DBX2: variants seen among roughly 807,000 people sequenced by gnomAD.
DBX2 encodes the protein developing brain homeobox 2.
A neutral mutation model predicts 17.7 loss-of-function variants in DBX2; 16 were observed. The ratio of observed to expected loss-of-function variants is 0.90; its 90% CI spans 0.61 to 1.37. The LOEUF is 1.37. Among genes scored for constraint, DBX2 ranks in the 40% most tolerant of loss-of-function variants. DBX2 has a pLI of 0.00. For synonymous variants in DBX2, 255 were observed against 183.8 expected, an observed-to-expected ratio of 1.39 and a Z score of -3.13; for missense variants, 538 against 433.8, an observed-to-expected ratio of 1.24 and a Z score of -2.13.
intron 1 of DBX2, among the ~76,000 whole-genome samples, chr12:45,047,751 T>G (rs1171432526): frequency 6.6e-6 from 1 of 152,298 alleles, no homozygotes; most frequent in East Asian, 1.9e-4. Context: ...TTCTAGTCAA[T>G]GGAAGACTAA....
chr12:45,037,049 CATTAGT>C (rs1178699982), intron 1 of DBX2, among the ~76,000 whole-genome samples: 4 of 152,140 alleles, frequency 2.6e-5, no homozygotes, highest in Non-Finnish European at 5.9e-5. Flanking sequence ...TTTGAAGTCT[CATTAGT>C]ATAAGTTGTT....
In DBX2 at chr12:45,016,330, C is replaced by T; in HGVS notation, c.976G>A (p.Glu326Lys). The T allele has an allele frequency of 6.2e-7, 1 of 1,603,192 alleles. No individual in the cohort carries two copies. The highest frequency in any genetic ancestry group is 8.5e-7 in the Non-Finnish European group (1 of 1,175,828). ...ACACCCTTGCTTCCAGCTTCTTCTT[C>T]AGAACATAAATATAAGGCACCTTGC... is the stretch of plus-strand genomic sequence containing the variant. The part of the protein sequence containing the change: ...SLQGALYLCS[E>K]EEAGSKGVLT... Residue 326 changes from glutamate (E) to lysine (K), a missense_variant, in exon 4 of 4, where the codon GAA becomes AAA. Glu to Lys is a moderately conservative substitution (Grantham distance 56). Transcript: ENST00000332700.
rs187081974 is a variant in DBX2, at chr12:45,029,501, G to A, written c.500-5607C>T. Among the ~76,000 whole-genome samples the A allele has an allele frequency of 3.8e-4, 58 of 152,322 alleles. No homozygotes were observed. In the East Asian group the frequency reaches 9.3e-3, roughly 24 times the overall value. ...AATGCCTTTGTCAAATTACATCAAA[G>A]ATTGTCAAAGGTACGAGTGGGCAGG... On this transcript the variant is annotated intron_variant, in intron 2 of 3. Coordinates refer to ENST00000332700, the MANE Select transcript of DBX2 (RefSeq NM_001004329.3).
intron 1 of DBX2, among the ~76,000 whole-genome samples, chr12:45,041,496 ATTTG>A (rs907730332): frequency 2.3e-4 from 35 of 152,202 alleles, no homozygotes; most frequent in African/African-American, 8.4e-4. Context: ...CCTGAAAGTA[ATTTG>A]TTTATGTGAT....
At chr12:45,024,173 G>C (rs1379566993) in intron 2 of DBX2, among the ~76,000 whole-genome samples, 1 of 152,100 alleles carries the variant, frequency 6.6e-6, no homozygotes, top group Non-Finnish European at 1.5e-5. Flanking sequence ...GGTCTCACGA[G>C]ATCTGATGGT....
intron 2 of DBX2, among the ~76,000 whole-genome samples, chr12:45,028,184 G>A (rs1055726239): frequency 5.9e-5 from 9 of 152,232 alleles, no homozygotes; most frequent in African/African-American, 9.6e-5. Flanking sequence ...TGGATTGCAG[G>A]GTATGACTGG....
At chr12:45,026,572 A>G (rs1379811086) in intron 2 of DBX2, among the ~76,000 whole-genome samples, 2 of 152,238 alleles carry the variant, frequency 1.3e-5, no homozygotes, top group Non-Finnish European at 2.9e-5. Context: ...TACTAACCCT[A>G]CACAATACTG....
intron 2 of DBX2, among the ~76,000 whole-genome samples, chr12:45,024,595 T>C (rs541553848): frequency 9.2e-5 from 14 of 152,242 alleles, no homozygotes; most frequent in Non-Finnish European, 1.8e-4. Context: ...TGTTTATTTA[T>C]TCATTTTTTC....
rs950877636 is a variant in DBX2 at position 45,016,068 on chromosome 12, C to G, written c.*218G>C. 6.9e-6 allele frequency: 3 copies of G among 435,910 alleles called. No homozygotes were observed. The highest frequency in any genetic ancestry group is 4.0e-5 in the African/African-American group (2 of 49,944). 27.0% of individuals were successfully genotyped at this position (435,910 alleles called of 1,614,324 possible). A position where few individuals can be genotyped will look rare whatever the true frequency, so the allele number is the denominator to read the frequency against. ...GCTGTTGCTCTCCTTCTTTTCAGTTCTGTCATACTTGCTGGGAGATTCTAT... is the reference window on the plus strand; with the variant it reads ...GCTGTTGCTCTCCTTCTTTTCAGTTGTGTCATACTTGCTGGGAGATTCTAT... On this transcript the variant is annotated 3_prime_UTR_variant, in exon 4 of 4. Transcript: ENST00000332700.
intron 1 of DBX2, among the ~76,000 whole-genome samples, chr12:45,050,213 C>A (rs1362207081): frequency 6.6e-6 from 1 of 152,116 alleles, no homozygotes; most frequent in Non-Finnish European, 1.5e-5. Flanking sequence ...CCAGGCAGGC[C>A]GTAGAACCCT....
intron 2 of DBX2, among the ~76,000 whole-genome samples, chr12:45,024,846 G>A (rs942936838): frequency 6.6e-6 from 1 of 152,224 alleles, no homozygotes; most frequent in Non-Finnish European, 1.5e-5. Flanking sequence ...TTTAATCTGA[G>A]AAGAGAAGAG....
chr12:45,022,061 A>G (rs1466698801), intron 3 of DBX2, among the ~76,000 whole-genome samples: 10 of 152,146 alleles, frequency 6.6e-5, no homozygotes, highest in Non-Finnish European at 2.9e-5. Context: ...TTTGTGATAT[A>G]GACAGAATTC....
rs189151350 is a variant in DBX2 at position 45,042,876 on chromosome 12, G to C, written c.404-6762C>G. 3.0e-4 allele frequency among the ~76,000 whole-genome samples: 46 copies of C among 152,238 alleles called. No individual in the cohort carries two copies. The South Asian group carries it at 4.8e-3, about 16-fold the overall frequency. ...AGAGTCTGGCTTCCCTCCAGCTGTG[G>C]GACGTTAGTTCACCATGACCATCAC... On this transcript the variant is annotated intron_variant, in intron 1 of 3. Transcript: ENST00000332700.
At chr12:45,046,980 AAGGAAATTATATTC>A (rs1401910097) in intron 1 of DBX2, among the ~76,000 whole-genome samples, 2 of 152,210 alleles carry the variant, frequency 1.3e-5, no homozygotes, top group African/African-American at 4.8e-5. Flanking sequence ...ATAAACAATA[AAGGAAATTATATTC>A]AGGAAATTAT....
At chr12:45,023,475 G>A (rs532204430) in intron 3 of DBX2, among the ~76,000 whole-genome samples, 1 of 152,290 alleles carries the variant, frequency 6.6e-6, no homozygotes, top group East Asian at 1.9e-4. Flanking sequence ...ATTTCCAATA[G>A]GAAATGGGAC....
At chr12:45,018,593 T>C (rs1946335353) in intron 3 of DBX2, among the ~76,000 whole-genome samples, 1 of 151,948 alleles carries the variant, frequency 6.6e-6, no homozygotes, top group African/African-American at 2.4e-5. Flanking sequence ...AAAAAGGAGC[T>C]GAATACATAA....
Position 45,015,233 on chromosome 12 carries a change from T to A in DBX2, c.*1053A>T, listed in dbSNP as rs540027787. On this transcript the variant is annotated 3_prime_UTR_variant, in exon 4 of 4. Coordinates refer to ENST00000332700, the MANE Select transcript of DBX2 (RefSeq NM_001004329.3). ...TGTTTGTTAATACATAAAAATAACC[T>A]GATATATAAAGTGTATGCCACCTAA... is the stretch of plus-strand genomic sequence containing the variant. 3.9e-5 allele frequency: 6 copies of A among 152,304 alleles called. No homozygotes were observed. In the South Asian group the frequency reaches 1.2e-3, roughly 32 times the overall value. 9.4% of individuals were successfully genotyped at this position (152,304 alleles called of 1,614,324 possible).
At chr12:45,048,914 A>G (rs182396881) in intron 1 of DBX2, among the ~76,000 whole-genome samples, 200 of 152,356 alleles carry the variant, frequency 1.3e-3, no homozygotes, top group Non-Finnish European at 2.1e-3. Flanking sequence ...TATTCCAAAA[A>G]CAATGTTTGC....
chr12:45,050,521 T>C lies in DBX2; in HGVS notation c.403+4A>G. ...GCTGGGGAGGGAGGGGAGAGCTGGC[T>C]CACCTGGCGCTGAAGGCTGGAAGGT... On this transcript the variant is annotated splice_donor_region_variant and intron_variant, in intron 1 of 3. Coordinates refer to ENST00000332700, the MANE Select transcript of DBX2 (RefSeq NM_001004329.3). 1 of 1,546,570 alleles carries C rather than the reference T, an allele frequency of 6.5e-7. No homozygotes were observed. The highest frequency in any genetic ancestry group is 2.0e-4 in the Middle Eastern group (1 of 4,922).
Sources: gnomAD v4.1 joint callset for allele counts (sites outside exome capture counted in the v4.1 genomes callset) on GRCh38, gnomAD v4.1.1 for gene constraint, MANE v1.5 for transcripts, NCBI Gene and HGNC (gene_info 2026-07-23, HGNC 2026-07-21) for gene names.